PLCL2: variants seen among roughly 807,000 people sequenced by gnomAD.
PLCL2 encodes inactive phospholipase C-like protein 2.
Under a neutral mutation model 79.6 loss-of-function variants are expected in PLCL2, and 4 were observed. The ratio of observed to expected loss-of-function variants is 0.05; its 90% CI spans 0.02 to 0.11. The LOEUF (loss-of-function observed/expected upper bound fraction) is 0.11, where lower values mean the gene tolerates loss of function less well. Ranked by LOEUF, PLCL2 falls within the 10% of genes least tolerant of loss-of-function variation. The probability of loss-of-function intolerance (pLI) is 1.00; values close to 1 mark genes in which losing one functional copy is unlikely to be tolerated. For missense variants in PLCL2, 895 were observed against 1,291.0 expected (o/e 0.69, Z 4.70); for synonymous variants, 484 against 457.7 (o/e 1.06, Z -0.73).
intron 1 of PLCL2, among the ~76,000 whole-genome samples, chr3:16,943,506 T>C (rs1398445810): frequency 6.6e-6 from 1 of 152,226 alleles, no homozygotes; most frequent in East Asian, 1.9e-4. Flanking sequence ...ATTTTTCAGA[T>C]TTTACAAACA....
chr3:16,923,279 G>C (rs563452328), intron 1 of PLCL2, among the ~76,000 whole-genome samples: 12 of 152,342 alleles, frequency 7.9e-5, no homozygotes, highest in African/African-American at 2.2e-4. Context: ...GGGGCAGGCA[G>C]CTGGTTAGCT....
At chr3:17,016,167 G>A (rs2064381164) in intron 3 of PLCL2, among the ~76,000 whole-genome samples, 1 of 152,084 alleles carries the variant, frequency 6.6e-6, no homozygotes, top group African/African-American at 2.4e-5. Flanking sequence ...CTTGACCATT[G>A]GAATACTATT....
chr3:16,944,570 G>A (rs2063583138), intron 1 of PLCL2, among the ~76,000 whole-genome samples: 1 of 152,090 alleles, frequency 6.6e-6, no homozygotes, highest in Non-Finnish European at 1.5e-5. Flanking sequence ...GATTAGCACA[G>A]GCACACAGAG....
intron 1 of PLCL2, among the ~76,000 whole-genome samples, chr3:16,908,850 G>C (rs921483023): frequency 5.9e-5 from 9 of 152,102 alleles, no homozygotes; most frequent in Non-Finnish European, 1.2e-4. Context: ...TATGAGTAGA[G>C]ACTATTGGAA....
intron 1 of PLCL2, among the ~76,000 whole-genome samples, chr3:16,941,275 C>A (rs2124950543): frequency 6.6e-6 from 1 of 152,340 alleles, no homozygotes; most frequent in South Asian, 2.1e-4. Flanking sequence ...ACCCCCATCA[C>A]CTCTCAATTC....
intron 2 of PLCL2, among the ~76,000 whole-genome samples, chr3:17,012,614 CCA>C (rs1350674606): frequency 6.6e-6 from 1 of 152,144 alleles, no homozygotes; most frequent in Non-Finnish European, 1.5e-5. Context: ...TTTAAATGAG[CCA>C]TAAATATATG....
At chr3:16,956,073 G>A (rs1487895810) in intron 1 of PLCL2, among the ~76,000 whole-genome samples, 1 of 152,176 alleles carries the variant, frequency 6.6e-6, no homozygotes, top group Non-Finnish European at 1.5e-5. Context: ...ATGTTGAATA[G>A]GAGTGGTGAG....
chr3:16,968,105 A>T (rs184718116), intron 1 of PLCL2, among the ~76,000 whole-genome samples: 2 of 152,050 alleles, frequency 1.3e-5, no homozygotes, highest in East Asian at 3.9e-4. Context: ...GCTCCATCCC[A>T]TTCCATTGAT....
intron 1 of PLCL2, among the ~76,000 whole-genome samples, chr3:16,929,334 T>G (rs1697341118): frequency 6.6e-6 from 1 of 152,058 alleles, no homozygotes; most frequent in African/African-American, 2.4e-5. Context: ...TTTGACCTTC[T>G]CTCCATAATG....
At chr3:17,038,886 G>C (rs925515561) in intron 3 of PLCL2, among the ~76,000 whole-genome samples, 3 of 152,118 alleles carry the variant, frequency 2.0e-5, no homozygotes. Flanking sequence ...GGTTTTGTGG[G>C]AAAAGCAGAG....
chr3:17,041,766 G>T (rs1289303197), intron 3 of PLCL2, among the ~76,000 whole-genome samples: 1 of 152,030 alleles, frequency 6.6e-6, no homozygotes, highest in Non-Finnish European at 1.5e-5. Flanking sequence ...AACATAGCAA[G>T]ATCCCATCTC....
At position 16,886,486 on chromosome 3, in the gene PLCL2, G is replaced by C. The variant is rs1696225950; in HGVS notation, c.327+1120G>C. Among the ~76,000 whole-genome samples the C allele has an allele frequency of 6.6e-6, 1 of 152,208 alleles. No homozygotes were observed. Among genetic ancestry groups the C allele is most frequent in the Admixed American group, 6.5e-5 (1 of 15,286 alleles). Reference sequence around the variant, plus strand: ...GAAATCTTCCAAGTACTGTGAAAATGTCTGATGGTGTTATCAACTTATGCA... The same window carrying C: ...GAAATCTTCCAAGTACTGTGAAAATCTCTGATGGTGTTATCAACTTATGCA... On this transcript the variant is annotated intron_variant, in intron 1 of 5. Coordinates refer to ENST00000615277, the MANE Select transcript of PLCL2 (RefSeq NM_001144382.2). This position sits in a 1 kb window ranked among gnomAD's most constrained non-coding sequence, Gnocchi z 4.2.
intron 1 of PLCL2, among the ~76,000 whole-genome samples, chr3:16,976,865 C>G (rs954945581): frequency 2.0e-5 from 3 of 152,212 alleles, no homozygotes; most frequent in African/African-American, 7.2e-5. Flanking sequence ...TCATAGATCA[C>G]TCCCTTCTTA....
At chr3:16,956,514 G>A (rs1254286912) in intron 1 of PLCL2, among the ~76,000 whole-genome samples, 1 of 152,044 alleles carries the variant, frequency 6.6e-6, no homozygotes, top group Non-Finnish European at 1.5e-5. Context: ...TCTCTGCCAG[G>A]CTTTGGTATC....
At chr3:16,946,514 T>C (rs1001566458) in intron 1 of PLCL2, among the ~76,000 whole-genome samples, 1 of 152,216 alleles carries the variant, frequency 6.6e-6, no homozygotes, top group African/African-American at 2.4e-5. Flanking sequence ...TTCAGTTACA[T>C]TGTGGATTAA....
chr3:16,907,027 A>G (rs559616068), intron 1 of PLCL2, among the ~76,000 whole-genome samples: 2 of 152,368 alleles, frequency 1.3e-5, no homozygotes, highest in East Asian at 1.9e-4. Context: ...TTAGCAACTC[A>G]GATAAATTAT....
At chr3:17,013,298 G>T (rs1366629841) in intron 2 of PLCL2, among the ~76,000 whole-genome samples, 1 of 152,190 alleles carries the variant, frequency 6.6e-6, no homozygotes, top group Admixed American at 6.5e-5. Context: ...CAAAGCAGTC[G>T]GTAGTGATAC....
intron 1 of PLCL2, among the ~76,000 whole-genome samples, chr3:16,964,028 ATTATT>A (rs1346852374): frequency 3.9e-5 from 6 of 152,030 alleles, no homozygotes; most frequent in Non-Finnish European, 7.4e-5. Flanking sequence ...TATTATTATT[ATTATT>A]TTATTATACT....
At chr3:16,963,451 T>C (rs1379955400) in intron 1 of PLCL2, among the ~76,000 whole-genome samples, 1 of 152,168 alleles carries the variant, frequency 6.6e-6, no homozygotes, top group Non-Finnish European at 1.5e-5. Flanking sequence ...CATGAATTGT[T>C]AGCAATTCAT....
Sources: allele counts gnomAD v4.1 joint callset (sites outside exome capture counted in the v4.1 genomes callset), GRCh38; gene constraint gnomAD v4.1.1; non-coding constraint Gnocchi (gnomAD v3.1); transcripts MANE v1.5; gene names NCBI Gene and HGNC (gene_info 2026-07-23, HGNC 2026-07-21).